SEMA6D: variants seen among roughly 807,000 people sequenced by gnomAD.
SEMA6D encodes the protein semaphorin-6D.
A neutral mutation model predicts 106.6 loss-of-function variants in SEMA6D; 35 were observed. The observed-to-expected ratio is 0.33, with a 90% CI of 0.25 to 0.44. The LOEUF is 0.44. SEMA6D is among the 20% of genes least tolerant of loss of function. SEMA6D has a pLI of 1.00. For synonymous variants in SEMA6D, 499 were observed against 487.7 expected (o/e 1.02, Z -0.31); for missense variants, 1,185 against 1,345.9 (o/e 0.88, Z 1.87).
intron 3 of SEMA6D, among the ~76,000 whole-genome samples, chr15:47,549,052 A>T (rs935623006): frequency 6.6e-6 from 1 of 152,154 alleles, no homozygotes; most frequent in Admixed American, 6.6e-5. Flanking sequence ...TACCTGAATC[A>T]GTTCATGCAG....
intron 3 of SEMA6D, among the ~76,000 whole-genome samples, chr15:47,591,077 A>C (rs1249767701): frequency 1.3e-5 from 2 of 152,202 alleles, no homozygotes; most frequent in African/African-American, 2.4e-5. Context: ...TTGTAGATGT[A>C]GGGAAGTTCA....
At chr15:47,230,681 G>A (rs761427325) in intron 1 of SEMA6D, among the ~76,000 whole-genome samples, 27 of 152,082 alleles carry the variant, frequency 1.8e-4, no homozygotes, top group Non-Finnish European at 2.9e-4. Flanking sequence ...GCAACTGTCG[G>A]CCACACCTGA....
intron 1 of SEMA6D, among the ~76,000 whole-genome samples, chr15:47,336,491 A>C (rs1452358218): frequency 6.6e-6 from 1 of 152,154 alleles, no homozygotes; most frequent in Non-Finnish European, 1.5e-5. Flanking sequence ...GGGACTTTGG[A>C]CTGGAGAATT....
chr15:47,611,493 G>C (rs1030473056), intron 4 of SEMA6D, among the ~76,000 whole-genome samples: 1 of 152,062 alleles, frequency 6.6e-6, no homozygotes, highest in Non-Finnish European at 1.5e-5. Context: ...TATAACGAAC[G>C]TGTGTGTGTG....
At chr15:47,242,683 T>A (rs1457117564) in intron 1 of SEMA6D, among the ~76,000 whole-genome samples, 1 of 152,188 alleles carries the variant, frequency 6.6e-6, no homozygotes, top group Non-Finnish European at 1.5e-5. Context: ...TTGGTATCCT[T>A]ACGGTCAACT....
chr15:47,492,678 CA>C (rs1412832668), intron 3 of SEMA6D, among the ~76,000 whole-genome samples: 1 of 152,080 alleles, frequency 6.6e-6, no homozygotes, highest in Non-Finnish European at 1.5e-5. Context: ...TTTGGAATGC[CA>C]TATTCTGTAT....
At chr15:47,506,594 A>ACAC (rs1482607127) in intron 3 of SEMA6D, among the ~76,000 whole-genome samples, 1 of 141,628 alleles carries the variant, frequency 7.1e-6, no homozygotes, top group Non-Finnish European at 1.5e-5. Context: ...ATTTACACAC[A>ACAC]CACAAACACA....
intron 4 of SEMA6D, among the ~76,000 whole-genome samples, chr15:47,661,959 G>A (rs186599430): frequency 6.6e-6 from 1 of 152,282 alleles, no homozygotes. Context: ...ATTCCTAACA[G>A]CAGCAATTAA....
At chr15:47,187,039 C>A (rs1261667885) in intron 1 of SEMA6D, among the ~76,000 whole-genome samples, 1 of 152,070 alleles carries the variant, frequency 6.6e-6, no homozygotes, top group East Asian at 1.9e-4. Context: ...AATTTCACTG[C>A]TGTAGGCCTC....
intron 1 of SEMA6D, among the ~76,000 whole-genome samples, chr15:47,409,906 G>C (rs112658913): frequency 0.01 from 1,569 of 152,114 alleles, 37 homozygotes; most frequent in African/African-American, 0.036. Flanking sequence ...TTGTGGGGGG[G>C]GTGGGGAGGC....
intron 1 of SEMA6D, among the ~76,000 whole-genome samples, chr15:47,192,981 A>G (rs980868534): frequency 2.6e-5 from 4 of 152,222 alleles, no homozygotes; most frequent in Admixed American, 2.6e-4. Context: ...AATTCTTGCT[A>G]TCTCCACTGC....
chr15:47,205,723 C>A (rs1487546279), intron 1 of SEMA6D, among the ~76,000 whole-genome samples: 4 of 151,808 alleles, frequency 2.6e-5, no homozygotes, highest in Non-Finnish European at 4.4e-5. Context: ...TCGAATAGAC[C>A]ATAATAAGCT....
intron 2 of SEMA6D, among the ~76,000 whole-genome samples, chr15:47,432,018 A>T (rs1321032941): frequency 2.0e-5 from 3 of 152,106 alleles, no homozygotes; most frequent in African/African-American, 7.2e-5. Flanking sequence ...CCGCAATGTT[A>T]CATGGCTGGG....
At chr15:47,255,570 A>C (rs771008781) in intron 1 of SEMA6D, among the ~76,000 whole-genome samples, 1 of 151,850 alleles carries the variant, frequency 6.6e-6, no homozygotes, top group African/African-American at 2.4e-5. Context: ...AGATTTCTTT[A>C]TATATTTTGA....
chr15:47,665,996 CAT>C (rs2078019677), intron 4 of SEMA6D, among the ~76,000 whole-genome samples: 1 of 152,162 alleles, frequency 6.6e-6, no homozygotes, highest in Admixed American at 6.5e-5. Context: ...TGTTGTTAGA[CAT>C]GTGTCCCAAT....
intron 1 of SEMA6D, among the ~76,000 whole-genome samples, chr15:47,270,387 T>C (rs2034503311): frequency 6.6e-6 from 1 of 151,926 alleles, no homozygotes; most frequent in Non-Finnish European, 1.5e-5. Flanking sequence ...CAGGATTTTC[T>C]ACATAGATAA....
intron 3 of SEMA6D, among the ~76,000 whole-genome samples, chr15:47,523,296 CA>C (rs2044647269): frequency 1.3e-5 from 2 of 152,204 alleles, no homozygotes; most frequent in South Asian, 4.1e-4. Flanking sequence ...TGAGAGGAAA[CA>C]GGTGAGGAAC....
intron 1 of SEMA6D, among the ~76,000 whole-genome samples, chr15:47,407,400 C>CAAAAA (rs1272439298): frequency 4.7e-5 from 4 of 85,214 alleles, no homozygotes; most frequent in Non-Finnish European, 8.1e-5. Context: ...AAAACAACAA[C>CAAAAA]AACAACAACA....
At chr15:47,382,994 A>G (rs2039696833) in intron 1 of SEMA6D, among the ~76,000 whole-genome samples, 1 of 152,118 alleles carries the variant, frequency 6.6e-6, no homozygotes, top group South Asian at 2.1e-4. Context: ...TCAAACCCCT[A>G]ATCTCAGGTA....
Sources: allele counts gnomAD v4.1 joint callset (sites outside exome capture counted in the v4.1 genomes callset), GRCh38; gene constraint gnomAD v4.1.1; transcripts MANE v1.5; gene names NCBI Gene and HGNC (gene_info 2026-07-23, HGNC 2026-07-21).